Variants in ST6GAL1 observed in about 807,000 individuals in gnomAD.
The protein encoded by ST6GAL1 is beta-galactoside alpha-2,6-sialyltransferase 1.
A neutral mutation model predicts 38.0 loss-of-function variants in ST6GAL1; 20 were observed. The ratio of observed to expected loss-of-function variants is 0.53; its 90% CI spans 0.37 to 0.77. The LOEUF is 0.77. Ranked by LOEUF, ST6GAL1 falls within the 30% of genes least tolerant of loss-of-function variation. The pLI, the probability that ST6GAL1 is intolerant of heterozygous loss-of-function variation, is 0.00. For missense variants in ST6GAL1, 432 were observed against 496.4 expected (o/e 0.87, Z 1.23); for synonymous variants, 196 against 188.2 (o/e 1.04, Z -0.34).
chr3:186,994,772 C>T (rs7637617), intron 2 of ST6GAL1, among the ~76,000 whole-genome samples: 8,251 of 151,974 alleles, frequency 0.054, 752 homozygotes, highest in African/African-American at 0.19. Flanking sequence ...GATGAAACTC[C>T]GTTTCTACTA....
At chr3:187,030,015 T>C (rs979171285) in intron 2 of ST6GAL1, among the ~76,000 whole-genome samples, 1 of 152,114 alleles carries the variant, frequency 6.6e-6, no homozygotes, top group African/African-American at 2.4e-5. Flanking sequence ...AATAACAAGA[T>C]CAGAGATACA....
chr3:187,056,095 T>C (rs542262059), intron 5 of ST6GAL1, among the ~76,000 whole-genome samples: 1 of 152,328 alleles, frequency 6.6e-6, no homozygotes, highest in Non-Finnish European at 1.5e-5. Flanking sequence ...TTTGTTGGTT[T>C]AAAGTCTGTT....
intron 2 of ST6GAL1, among the ~76,000 whole-genome samples, chr3:186,975,999 G>C (rs547498288): frequency 1.3e-5 from 2 of 152,102 alleles, no homozygotes; most frequent in African/African-American, 4.8e-5. Context: ...GCAACTGCTC[G>C]GGACCCACTG....
rs1713792322 is a variant in ST6GAL1 at position 186,932,452 on chromosome 3, T to C, written c.-325+1618T>C. Among the ~76,000 whole-genome samples the C allele has an allele frequency of 2.0e-5, 3 of 152,240 alleles. No individual in the cohort carries two copies. In the South Asian group the frequency reaches 6.2e-4, roughly 31 times the overall value. ...TCAAATAGAAAGCTGCACCCTTCCA[T>C]TATCCCTTTCAAGAATTCTTTATTC... On this transcript the variant is annotated intron_variant, in intron 1 of 7. Coordinates refer to ENST00000169298, the MANE Select transcript of ST6GAL1 (RefSeq NM_173216.2).
intron 3 of ST6GAL1, among the ~76,000 whole-genome samples, chr3:187,041,055 C>T (rs980622599): frequency 2.0e-5 from 3 of 152,080 alleles, no homozygotes; most frequent in African/African-American, 4.8e-5. Context: ...CCACATGGCC[C>T]CCAGGCTGAG....
chr3:186,944,906 A>G (rs573321555), intron 1 of ST6GAL1, among the ~76,000 whole-genome samples: 2 of 152,362 alleles, frequency 1.3e-5, no homozygotes, highest in Admixed American at 6.5e-5. Context: ...GAGAGGCCAT[A>G]TGCCTTCTTA....
chr3:187,071,593 CA>C (rs142292325), intron 5 of ST6GAL1, among the ~76,000 whole-genome samples: 2 of 151,262 alleles, frequency 1.3e-5, no homozygotes, highest in Non-Finnish European at 1.5e-5. Context: ...ACTAAAAATA[CA>C]AAAAAACCCC....
At chr3:186,967,931 G>T (rs1380706105) in intron 2 of ST6GAL1, among the ~76,000 whole-genome samples, 1 of 152,224 alleles carries the variant, frequency 6.6e-6, no homozygotes, top group Non-Finnish European at 1.5e-5. Context: ...CATCTGGCCC[G>T]GGATGGGCTG....
Position 187,001,824 on chromosome 3 carries a change from C to T in ST6GAL1, c.-182-36918C>T, listed in dbSNP as rs181902324. Among the ~76,000 whole-genome samples the T allele has an allele frequency of 3.2e-3, 484 of 151,758 alleles. 1 individual carries two copies. The highest frequency in any genetic ancestry group is 0.011 in the African/African-American group (444 of 41,396). On this transcript the variant is annotated intron_variant, in intron 2 of 7. Transcript: ENST00000169298. ...TACAAAAATTAGCCGGGTGTGGTGGCGCGCGCCTGTAATCCCAGCTACTCA... is the reference window on the plus strand; with the variant it reads ...TACAAAAATTAGCCGGGTGTGGTGGTGCGCGCCTGTAATCCCAGCTACTCA...
chr3:187,071,728 C>G (rs776707701), intron 5 of ST6GAL1, among the ~76,000 whole-genome samples: 1 of 145,728 alleles, frequency 6.9e-6, no homozygotes, highest in Non-Finnish European at 1.5e-5. Context: ...CCACTGCACT[C>G]CAGCCTGGGC....
intron 2 of ST6GAL1, among the ~76,000 whole-genome samples, chr3:187,030,291 G>A (rs1157224203): frequency 6.6e-6 from 1 of 152,278 alleles, no homozygotes; most frequent in Admixed American, 6.5e-5. Context: ...TGCATGTGAT[G>A]CTCTTCACTT....
intron 4 of ST6GAL1, among the ~76,000 whole-genome samples, chr3:187,045,302 T>G (rs75265064): frequency 2.9e-4 from 44 of 152,026 alleles, no homozygotes; most frequent in African/African-American, 1.1e-3. Context: ...TTTTTTTTTT[T>G]GTCCATAGCA....
chr3:186,940,851 C>T (rs1441290942), intron 1 of ST6GAL1, among the ~76,000 whole-genome samples: 1 of 144,330 alleles, frequency 6.9e-6, no homozygotes. Flanking sequence ...TACCAATCTT[C>T]TGTTGATGGA....
At chr3:186,935,937 A>G (rs1713936498) in intron 1 of ST6GAL1, among the ~76,000 whole-genome samples, 1 of 152,196 alleles carries the variant, frequency 6.6e-6, no homozygotes. Context: ...AGTGAGTAAT[A>G]TCTCAAGTCA....
At chr3:186,943,201 C>T (rs1714239061) in intron 1 of ST6GAL1, among the ~76,000 whole-genome samples, 1 of 152,168 alleles carries the variant, frequency 6.6e-6, no homozygotes, top group Non-Finnish European at 1.5e-5. Flanking sequence ...CAAGCTGTGT[C>T]TTAGAAAGTA....
intron 1 of ST6GAL1, among the ~76,000 whole-genome samples, chr3:186,959,317 C>G (rs1483277454): frequency 6.6e-6 from 1 of 152,156 alleles, no homozygotes. Flanking sequence ...TAAAGAAAAG[C>G]CCCTGGGAGG....
At chr3:187,007,033 A>G (rs1446875695) in intron 2 of ST6GAL1, among the ~76,000 whole-genome samples, 1 of 152,228 alleles carries the variant, frequency 6.6e-6, no homozygotes, top group East Asian at 1.9e-4. Context: ...CACAATCTCT[A>G]CCAATGTTTA....
chr3:186,958,393 A>G (rs896604358), intron 1 of ST6GAL1, among the ~76,000 whole-genome samples: 1 of 152,078 alleles, frequency 6.6e-6, no homozygotes, highest in Non-Finnish European at 1.5e-5. Context: ...GGGACAGGAG[A>G]GGTGGTATAT....
intron 5 of ST6GAL1, among the ~76,000 whole-genome samples, chr3:187,066,107 C>T (rs887194704): frequency 6.6e-6 from 1 of 152,178 alleles, no homozygotes; most frequent in Non-Finnish European, 1.5e-5. Context: ...AGATTTCCAT[C>T]AACAACGGGT....
Sources: allele counts gnomAD v4.1 joint callset (sites outside exome capture counted in the v4.1 genomes callset), GRCh38; gene constraint gnomAD v4.1.1; transcripts MANE v1.5; gene names NCBI Gene and HGNC (gene_info 2026-07-23, HGNC 2026-07-21).